The following SERPINB7 variants were observed in gnomAD, a reference collection of about 807,000 sequenced individuals.
SERPINB7 encodes serpin family B member 7.
Under a neutral mutation model 37.4 loss-of-function variants are expected in SERPINB7, and 31 were observed. That is an observed-to-expected ratio of 0.83 (90% CI 0.62 to 1.12). SERPINB7 has a LOEUF of 1.12. SERPINB7 is among the 50% of genes most tolerant of loss of function. The pLI is 0.00. For missense variants in SERPINB7, 521 were observed against 455.3 expected, an observed-to-expected ratio of 1.14 and a Z score of -1.31; for synonymous variants, 163 against 166.1, an observed-to-expected ratio of 0.98 and a Z score of 0.14.
At chr18:63,803,621 T>C (rs1223131646) in intron 7 of SERPINB7, among the ~76,000 whole-genome samples, 1 of 152,190 alleles carries the variant, frequency 6.6e-6, no homozygotes, top group Non-Finnish European at 1.5e-5. Flanking sequence ...TTGCTTTGCA[T>C]TCAGGCATAT....
intron 1 of SERPINB7, among the ~76,000 whole-genome samples, chr18:63,776,135 C>A (rs1043870826): frequency 6.6e-5 from 10 of 152,090 alleles, no homozygotes; most frequent in Non-Finnish European, 1.3e-4. Flanking sequence ...ATGACCCTAT[C>A]CCAGAGGCAT....
rs1454175850 is a variant in SERPINB7, at chr18:63,765,131, GT to G, written c.-19+12012del. Among the ~76,000 whole-genome samples, 4 of 152,212 alleles carry G rather than the reference GT, an allele frequency of 2.6e-5. No homozygotes were observed. In the East Asian group the frequency reaches 7.7e-4, roughly 29 times the overall value. ...CTCCCACAATTGTAGATTCAACTAT[GT>G]GTGAATAGCCATAAGCACCTCAAAC... On this transcript the variant is annotated intron_variant, in intron 1 of 7. Transcript: ENST00000336429.
At chr18:63,789,299 A>G (rs1461430892) in intron 2 of SERPINB7, among the ~76,000 whole-genome samples, 3 of 152,174 alleles carry the variant, frequency 2.0e-5, no homozygotes, top group Non-Finnish European at 4.4e-5. Context: ...TCTCCATCTT[A>G]TACTGAGATG....
intron 1 of SERPINB7, among the ~76,000 whole-genome samples, chr18:63,757,559 A>AT (rs1270752286): frequency 6.6e-6 from 1 of 152,188 alleles, no homozygotes; most frequent in African/African-American, 2.4e-5. Context: ...TGGACACCTG[A>AT]TTTTATAAAT....
intron 4 of SERPINB7, among the ~76,000 whole-genome samples, chr18:63,795,215 C>A (rs2049474002): frequency 6.6e-6 from 1 of 152,102 alleles, no homozygotes; most frequent in Non-Finnish European, 1.5e-5. Context: ...AAAAAGGATG[C>A]ATTATGATAA....
At chr18:63,793,956 C>T (rs910551805) in intron 4 of SERPINB7, among the ~76,000 whole-genome samples, 1 of 151,650 alleles carries the variant, frequency 6.6e-6, no homozygotes, top group African/African-American at 2.4e-5. Flanking sequence ...CTCTCTCTCT[C>T]TCTTTTAGAC....
intron 2 of SERPINB7, among the ~76,000 whole-genome samples, chr18:63,791,712 G>A (rs2049429598): frequency 6.6e-6 from 1 of 152,036 alleles, no homozygotes; most frequent in African/African-American, 2.4e-5. Context: ...CTGGGTTCAC[G>A]CCATTCTCCT....
chr18:63,761,061 C>T (rs950110356), intron 1 of SERPINB7, among the ~76,000 whole-genome samples: 1 of 152,170 alleles, frequency 6.6e-6, no homozygotes, highest in Admixed American at 6.5e-5. Flanking sequence ...GTACTTTGCG[C>T]CTGGAAAAGC....
At position 63,794,110 on chromosome 18, in the gene SERPINB7, A is replaced by ATTTTTT. The variant is rs34450022; in HGVS notation, c.336+851_336+856dup. Among the ~76,000 whole-genome samples the ATTTTTT allele has an allele frequency of 5.2e-4, 55 of 105,546 alleles. 1 individual carries two copies. Among genetic ancestry groups the ATTTTTT allele is most frequent in the Non-Finnish European group, 5.9e-4 (33 of 55,708 alleles). The allele number at this position is 105,546 out of a possible 152,430, so 69.2% of individuals were successfully genotyped here. A position where few individuals can be genotyped will look rare whatever the true frequency, so the allele number is the denominator to read the frequency against. ...AGGCACGTGCCACCACATCCTGCTAATTTTTTTTTTTTTTTTTTTTTTTGT... is the reference window on the plus strand; with the variant it reads ...AGGCACGTGCCACCACATCCTGCTAATTTTTTTTTTTTTTTTTTTTTTTTTTTTTGT... On this transcript the variant is annotated intron_variant, in intron 4 of 7. Coordinates refer to ENST00000398019, the MANE Select transcript of SERPINB7 (RefSeq NM_003784.4).
Position 63,783,232 on chromosome 18 carries a change from G to GAAAGAAAGAAAGAAAGAAAGAAAGAAAGA in SERPINB7, c.168+693_168+694insAAGAAAGAAAGAAAGAAAGAAAGAAAGAA, listed in dbSNP as rs1555694190. Among the ~76,000 whole-genome samples the GAAAGAAAGAAAGAAAGAAAGAAAGAAAGA allele has an allele frequency of 5.6e-4, 23 of 40,760 alleles. 1 individual carries two copies. The highest frequency in any genetic ancestry group is 2.7e-3 in the African/African-American group (22 of 8,298). The allele number at this position is 40,760 out of a possible 152,430, so 26.7% of individuals were successfully genotyped here. A position where few individuals can be genotyped will look rare whatever the true frequency, so the allele number is the denominator to read the frequency against. ...AGAGAGAGAGAGAGAGAGAGAGAGA[G>GAAAGAAAGAAAGAAAGAAAGAAAGAAAGA]AGAAAGAAAGAAAGAAAGAAAGAAA... On this transcript the variant is annotated intron_variant, in intron 2 of 7. Transcript: ENST00000398019.
At chr18:63,759,858 C>G (rs185662291) in intron 1 of SERPINB7, among the ~76,000 whole-genome samples, 2 of 152,204 alleles carry the variant, frequency 1.3e-5, no homozygotes, top group Non-Finnish European at 2.9e-5. Flanking sequence ...CACCTCCCCC[C>G]ATGATTCTGA....
rs565542030 is a variant in SERPINB7, at chr18:63,766,645, C to T, written c.-19+13525C>T. On this transcript the variant is annotated intron_variant, in intron 1 of 7. Coordinates refer to the SERPINB7 transcript ENST00000336429. Reference sequence around the variant, plus strand: ...AATTGTCTTTCTCTTTCTCCTTCACCGTCTATTATTCTTCCACTAGATGAT... The same window carrying T: ...AATTGTCTTTCTCTTTCTCCTTCACTGTCTATTATTCTTCCACTAGATGAT... Among the ~76,000 whole-genome samples, 6 of 152,078 alleles carry T rather than the reference C, an allele frequency of 3.9e-5. No individual in the cohort carries two copies. The South Asian group carries it at 1.0e-3, about 26-fold the overall frequency.
chr18:63,774,303 A>T (rs970647843), upstream of SERPINB7, among the ~76,000 whole-genome samples: 21 of 152,080 alleles, frequency 1.4e-4, no homozygotes, highest in African/African-American at 5.1e-4. Context: ...ATTGCACAAA[A>T]TTGAGAGGCG....
upstream of SERPINB7, among the ~76,000 whole-genome samples, chr18:63,773,672 A>C (rs575395496): frequency 1.3e-5 from 2 of 152,278 alleles, no homozygotes; most frequent in East Asian, 1.9e-4. Context: ...ATCTATATGC[A>C]TGAACTGGCA....
At chr18:63,770,255 G>C (rs1461361279) in intron 1 of SERPINB7, among the ~76,000 whole-genome samples, 3 of 151,126 alleles carry the variant, frequency 2.0e-5, no homozygotes, top group Non-Finnish European at 4.4e-5. Context: ...TAGTATTATA[G>C]CTGCAGGGTG....
intron 1 of SERPINB7, among the ~76,000 whole-genome samples, chr18:63,759,410 G>A (rs1446220144): frequency 6.6e-6 from 1 of 152,128 alleles, no homozygotes. Context: ...TTAACTGAGA[G>A]CACACAGGCC....
In SERPINB7 at chr18:63,798,739, C is replaced by T. The variant is rs752963108; in HGVS notation, c.590C>T (p.Ser197Phe). ...KSETINCHFK[S>F]PKCSGKAVAM... is the part of the protein sequence containing the mutation. The stretch of plus-strand genomic sequence containing the variant: ...GAAACCATAAATTGCCATTTCAAAT[C>T]TCCCAAGGTATGTCGTCAATCTCCT... The change falls in exon 6 of 8, where the codon TCT (serine) becomes TTT (phenylalanine). Residue 197 changes from serine to phenylalanine, a missense_variant. Physicochemically the swap from Ser to Phe is radical, Grantham distance 155. Transcript: ENST00000398019. The T allele has an allele frequency of 1.2e-5, 19 of 1,612,352 alleles. No individual in the cohort carries two copies. The highest frequency in any genetic ancestry group is 1.0e-4 in the Admixed American group (6 of 59,596).
intron 2 of SERPINB7, among the ~76,000 whole-genome samples, chr18:63,787,932 TATC>T (rs2049389407): frequency 6.6e-6 from 1 of 152,230 alleles, no homozygotes; most frequent in Admixed American, 6.5e-5. Context: ...GCCATCATAA[TATC>T]ATAGCGAAAT....
intron 4 of SERPINB7, among the ~76,000 whole-genome samples, chr18:63,793,653 T>C (rs569868225): frequency 6.6e-6 from 1 of 152,254 alleles, no homozygotes; most frequent in African/African-American, 2.4e-5. Context: ...CACAGGTGCA[T>C]GCCACTATGC....
Sources: allele counts gnomAD v4.1 joint callset (sites outside exome capture counted in the v4.1 genomes callset), GRCh38; gene constraint gnomAD v4.1.1; transcripts MANE v1.5; gene names NCBI Gene and HGNC (gene_info 2026-07-23, HGNC 2026-07-21).